C1QTNF3: variants seen among roughly 807,000 people sequenced by gnomAD.
C1QTNF3 encodes C1q and TNF related 3.
Under a neutral mutation model 32.6 loss-of-function variants are expected in C1QTNF3, and 26 were observed. That is an observed-to-expected ratio of 0.80 (90% CI 0.58 to 1.11). The LOEUF is 1.11. C1QTNF3 is among the 50% of genes least tolerant of loss of function. The pLI is 0.00. For synonymous variants in C1QTNF3, 155 were observed against 146.0 expected (o/e 1.06, Z -0.44); for missense variants, 362 against 398.2 (o/e 0.91, Z 0.77).
chr5:34,219,854 G>A, the C1QTNF3 span: 1 of 152,220 alleles, frequency 6.6e-6, no homozygotes, highest in South Asian at 2.1e-4. Flanking sequence ...TACCTGGAAA[G>A]GTTCTAGACA....
intron 1 of C1QTNF3, among the ~76,000 whole-genome samples, chr5:34,036,884 G>A (rs1375010854): frequency 1.3e-5 from 2 of 152,074 alleles, no homozygotes; most frequent in Non-Finnish European, 2.9e-5. Context: ...CCCAGGAGGC[G>A]GAGGTTGCAG....
At chr5:34,049,453 CT>C in the C1QTNF3 span, among the ~76,000 whole-genome samples, 1 of 152,206 alleles carries the variant, frequency 6.6e-6, no homozygotes, top group Non-Finnish European at 1.5e-5. Flanking sequence ...GTCAAACAAG[CT>C]TGATCCAGAT....
chr5:34,244,387 T>A, the C1QTNF3 span, among the ~76,000 whole-genome samples: 29 of 152,180 alleles, frequency 1.9e-4, no homozygotes, highest in Non-Finnish European at 3.4e-4. Flanking sequence ...GCCTCCACAC[T>A]GTGGAAAGGG....
At chr5:34,225,439 TCAAGA>T in the C1QTNF3 span, among the ~76,000 whole-genome samples, 1 of 152,050 alleles carries the variant, frequency 6.6e-6, no homozygotes, top group Non-Finnish European at 1.5e-5. Flanking sequence ...AAACAATACT[TCAAGA>T]CAACTTTTCA....
At chr5:34,024,049 T>A in intron 4 of C1QTNF3, 41 bp from the exon 5 acceptor site, 1 of 1,503,616 alleles carries the variant, frequency 6.7e-7, no homozygotes, top group Non-Finnish European at 9.2e-7. Context: ...TATTAACATG[T>A]TATACATTGA....
chr5:34,022,831 TTTTG>T (rs372948672), intron 5 of C1QTNF3, among the ~76,000 whole-genome samples: 26 of 152,222 alleles, frequency 1.7e-4, no homozygotes, highest in East Asian at 7.7e-4. Flanking sequence ...AAGTCAGTTT[TTTTG>T]TTTGTTTGTT....
At position 34,023,777 on chromosome 5, in the gene C1QTNF3, G is replaced by A. The variant is rs1325021900; in HGVS notation, c.800+132C>T. The A allele has an allele frequency of 1.2e-5, 7 of 599,074 alleles. No homozygotes were observed. The South Asian group carries it at 1.5e-4, about 13-fold the overall frequency. 37.1% of individuals were successfully genotyped at this position (599,074 alleles called of 1,614,324 possible). On this transcript the variant is annotated intron_variant, in intron 5 of 5. Transcript: ENST00000382065. The stretch of plus-strand genomic sequence containing the variant: ...ATGATGATAATGTGGCCATACTGGT[G>A]CATGAGGGCTCTTATTAAGGATAGG...
At chr5:34,213,758 TACACACACACACATACGTGTATATATAC>T in the C1QTNF3 span, among the ~76,000 whole-genome samples, 9 of 111,902 alleles carry the variant, frequency 8.0e-5, no homozygotes, top group South Asian at 2.6e-4. Flanking sequence ...TATATATATA[TACACACACACACATACGTGTATATATAC>T]ATATATATAT....
At chr5:34,178,101 T>C in the C1QTNF3 span, among the ~76,000 whole-genome samples, 4 of 100,064 alleles carry the variant, frequency 4.0e-5, no homozygotes, top group Non-Finnish European at 7.9e-5. Context: ...ACCTCATCTC[T>C]ACTAAAAAAA....
chr5:34,078,251 C>T, the C1QTNF3 span, among the ~76,000 whole-genome samples: 2 of 151,738 alleles, frequency 1.3e-5, no homozygotes, highest in Admixed American at 1.3e-4. The surrounding 1 kb of genome is among the most constrained non-coding windows in gnomAD (Gnocchi z 4.0). Flanking sequence ...AAGGCCCAGT[C>T]GTTCCCCTGT....
chr5:34,089,160 A>G, the C1QTNF3 span, among the ~76,000 whole-genome samples: 4 of 152,220 alleles, frequency 2.6e-5, no homozygotes, highest in East Asian at 7.7e-4. Context: ...GTGGGATGGT[A>G]TGAAGCTGGT....
At chr5:34,174,200 G>A in the C1QTNF3 span, among the ~76,000 whole-genome samples, 2 of 152,200 alleles carry the variant, frequency 1.3e-5, no homozygotes, top group African/African-American at 4.8e-5. Context: ...TGGGACTACA[G>A]GTGCTCACCA....
chr5:34,172,441 G>GGGGGGGC, the C1QTNF3 span, among the ~76,000 whole-genome samples: 2 of 131,976 alleles, frequency 1.5e-5, no homozygotes, highest in Non-Finnish European at 3.1e-5. Flanking sequence ...GGGGTTGGGC[G>GGGGGGGC]GGGGGGGCGG....
chr5:34,230,374 T>C, the C1QTNF3 span, among the ~76,000 whole-genome samples: 2 of 152,112 alleles, frequency 1.3e-5, no homozygotes, highest in Admixed American at 6.6e-5. Context: ...TGTATTGTAA[T>C]TTTTATAACA....
chr5:34,229,061 A>G, the C1QTNF3 span, among the ~76,000 whole-genome samples: 1 of 152,090 alleles, frequency 6.6e-6, no homozygotes, highest in Non-Finnish European at 1.5e-5. Flanking sequence ...AGAGTATTAG[A>G]TAAATAGAAA....
chr5:34,206,794 TAACATACAGTACTTA>T, the C1QTNF3 span, among the ~76,000 whole-genome samples: 1 of 151,012 alleles, frequency 6.6e-6, no homozygotes, highest in African/African-American at 2.4e-5. Context: ...GTTTCTACAG[TAACATACAGTACTTA>T]AACATACAGT....
chr5:34,213,822 TG>T, the C1QTNF3 span, among the ~76,000 whole-genome samples: 3,797 of 18,848 alleles, frequency 0.2, 1,060 homozygotes, highest in Non-Finnish European at 0.28. Flanking sequence ...TTTTTTTTTT[TG>T]TGTGTGTGAT....
chr5:34,063,276 C>T, the C1QTNF3 span, among the ~76,000 whole-genome samples: 2 of 135,046 alleles, frequency 1.5e-5, 1 homozygote, highest in South Asian at 5.0e-4. Context: ...TTCTGCCTTT[C>T]TCTCTCTCTT....
At chr5:34,039,195 C>T (rs1447118674) in intron 1 of C1QTNF3, among the ~76,000 whole-genome samples, 1 of 152,128 alleles carries the variant, frequency 6.6e-6, no homozygotes, top group Non-Finnish European at 1.5e-5. Context: ...TGGCAGGCCA[C>T]TACACATGTG....
Sources: gnomAD v4.1 joint callset for allele counts (sites outside exome capture counted in the v4.1 genomes callset) on GRCh38, gnomAD v4.1.1 for gene constraint, Gnocchi (gnomAD v3.1) non-coding constraint, MANE v1.5 for transcripts, NCBI Gene and HGNC (gene_info 2026-07-23, HGNC 2026-07-21) for gene names.